The following PALMD variants were observed in gnomAD, a reference collection of about 807,000 sequenced individuals.
The protein encoded by PALMD is palmdelphin.
A neutral mutation model predicts 56.2 loss-of-function variants in PALMD; 42 were observed. The ratio of observed to expected loss-of-function variants is 0.75; its 90% CI spans 0.58 to 0.97. PALMD has a LOEUF of 0.97. Ranked by LOEUF, PALMD falls within the 50% of genes least tolerant of loss-of-function variation. PALMD has a pLI of 0.00. For missense variants in PALMD, 660 were observed against 643.8 expected (o/e 1.03, Z -0.27); for synonymous variants, 242 against 222.9 (o/e 1.09, Z -0.76).
intron 6 of PALMD, among the ~76,000 whole-genome samples, chr1:99,687,505 C>A (rs537997931): frequency 3.3e-5 from 5 of 152,108 alleles, no homozygotes; most frequent in Admixed American, 6.6e-5. Context: ...CCAATAGAAC[C>A]TCTTTGGGGG....
chr1:99,669,725 C>T (rs1452341382), intron 3 of PALMD: 1 of 152,162 alleles, frequency 6.6e-6, no homozygotes, highest in East Asian at 1.9e-4. Flanking sequence ...TGCTTTTAGG[C>T]CTTGCCTGAA....
At chr1:99,654,301 T>C (rs1652662887) in intron 1 of PALMD, among the ~76,000 whole-genome samples, 1 of 152,146 alleles carries the variant, frequency 6.6e-6, no homozygotes, top group African/African-American at 2.4e-5. Context: ...GAAAATATAA[T>C]GTGAAAATAT....
intron 3 of PALMD, 97 bp from the exon 4 acceptor site, chr1:99,686,579 C>G: frequency 1.6e-6 from 1 of 622,644 alleles, no homozygotes; most frequent in Non-Finnish European, 2.9e-6. Context: ...TACTTACATG[C>G]ATATTCCAAG....
chr1:99,648,630 A>C (rs1652495049), intron 1 of PALMD, among the ~76,000 whole-genome samples: 1 of 152,046 alleles, frequency 6.6e-6, no homozygotes, highest in Non-Finnish European at 1.5e-5. Flanking sequence ...ATGCACCCAG[A>C]CATAGCAACA....
rs1222231658 is a variant in PALMD, at chr1:99,683,019, G to GGAAA, written c.252-3622_252-3619dup. ...AGACTCTGTCTCCAAAAAGAAAGAA[G>GGAAA]GAAAGAAAGAAAGAAAGAAAGAAAG... On this transcript the variant is annotated intron_variant, in intron 3 of 7. Transcript: ENST00000263174. Among the ~76,000 whole-genome samples, 13 of 48,398 alleles carry GGAAA rather than the reference G, an allele frequency of 2.7e-4. No individual in the cohort carries two copies. In the East Asian group the frequency reaches 3.1e-3, roughly 11 times the overall value. The allele number at this position is 48,398 out of a possible 152,430, so 31.8% of individuals were successfully genotyped here. A position where few individuals can be genotyped will look rare whatever the true frequency, so the allele number is the denominator to read the frequency against.
At chr1:99,685,262 C>T (rs751938808) in intron 3 of PALMD, 2 of 152,148 alleles carry the variant, frequency 1.3e-5, no homozygotes, top group Non-Finnish European at 2.9e-5. Context: ...CTGGCTTTCA[C>T]AAGAAATGAG....
intron 3 of PALMD, among the ~76,000 whole-genome samples, chr1:99,676,308 A>G (rs375396538): frequency 6.6e-6 from 1 of 152,008 alleles, no homozygotes; most frequent in African/African-American, 2.4e-5. Flanking sequence ...CCTTTTTTTT[A>G]AGGACACCAG....
chr1:99,661,207 A>G (rs1652840083), intron 1 of PALMD, among the ~76,000 whole-genome samples: 1 of 152,196 alleles, frequency 6.6e-6, no homozygotes, highest in South Asian at 2.1e-4. Context: ...TAATTTTGAA[A>G]GCAGATTTAA....
Position 99,689,055 on chromosome 1 carries a change from C to T in PALMD, c.795C>T (p.Pro265=), listed in dbSNP as rs766827542. Residue 265 remains proline (P), a synonymous_variant, in exon 7 of 8, where the codon CCC becomes CCT. Transcript: ENST00000263174. ...TEYHEPVYAN[P]FYRPTTPQRE... is the part of the protein sequence containing the mutation. Reference sequence around the variant, plus strand: ...ATCATGAGCCTGTATATGCCAATCCCTTTTACAGGCCTACAACCCCACAGA... The same window carrying T: ...ATCATGAGCCTGTATATGCCAATCCTTTTTACAGGCCTACAACCCCACAGA... 1.9e-6 allele frequency: 3 copies of T among 1,613,552 alleles called. No homozygotes were observed. The highest frequency in any genetic ancestry group is 2.5e-6 in the Non-Finnish European group (3 of 1,179,772).
Position 99,690,043 on chromosome 1 carries a change from T to A in PALMD, c.1612+171T>A, listed in dbSNP as rs559286715. 19 of 548,700 alleles carry A rather than the reference T, an allele frequency of 3.5e-5. No individual in the cohort carries two copies. The African/African-American group carries it at 3.6e-4, about 10-fold the overall frequency. The allele number at this position is 548,700 out of a possible 1,614,324, so 34.0% of individuals were successfully genotyped here. On this transcript the variant is annotated intron_variant, in intron 7 of 7. Transcript: ENST00000263174. ...TTATCACCACAGTAAAGTGATTAAG[T>A]CACTTCAAAAGATAAAGAAAGTAAA...
chr1:99,650,284 TGAAAAAAAAAAAAAAAA>T (rs1312304638), intron 1 of PALMD, among the ~76,000 whole-genome samples: 1 of 44,658 alleles, frequency 2.2e-5, no homozygotes, highest in Non-Finnish European at 3.6e-5. Flanking sequence ...CTGCTCATAA[TGAAAAAAAAAAAAAAAA>T]AAAAAAAAAA....
intron 3 of PALMD, among the ~76,000 whole-genome samples, chr1:99,676,097 T>C: frequency 6.6e-6 from 1 of 152,178 alleles, no homozygotes; most frequent in East Asian, 1.9e-4. Context: ...CATTGTATTG[T>C]TTGTCCTATT....
At chr1:99,665,197 T>C (rs1359265628) in intron 2 of PALMD, among the ~76,000 whole-genome samples, 2 of 152,134 alleles carry the variant, frequency 1.3e-5, no homozygotes, top group African/African-American at 2.4e-5. Context: ...TCTGGGTAGA[T>C]ATAGAAGTGC....
At chr1:99,648,704 C>G (rs1359052645) in intron 1 of PALMD, among the ~76,000 whole-genome samples, 2 of 151,646 alleles carry the variant, frequency 1.3e-5, no homozygotes, top group African/African-American at 4.8e-5. Flanking sequence ...TTGCTTTTTA[C>G]ATTAAAATTC....
intron 1 of PALMD, among the ~76,000 whole-genome samples, chr1:99,650,789 T>A (rs373769367): frequency 3.3e-5 from 5 of 152,164 alleles, no homozygotes; most frequent in Non-Finnish European, 4.4e-5. Context: ...ACCCAAGAAG[T>A]CAGCCCTGCT....
At chr1:99,686,841 C>T in intron 4 of PALMD, 51 bp downstream of exon 4, 1 of 1,348,554 alleles carries the variant, frequency 7.4e-7, no homozygotes, top group Non-Finnish European at 1.1e-6. Context: ...AATGAATCCA[C>T]AAATACTATA....
rs138081049 is a variant in PALMD, at chr1:99,671,702, A to G, written c.251+3936A>G. Among the ~76,000 whole-genome samples the G allele has an allele frequency of 4.0e-3, 606 of 152,258 alleles. 2 individuals carry two copies. The highest frequency in any genetic ancestry group is 6.4e-3 in the Admixed American group (98 of 15,272). On this transcript the variant is annotated intron_variant, in intron 3 of 7. Coordinates refer to ENST00000263174, the MANE Select transcript of PALMD (RefSeq NM_017734.5). ...TTTATGGCTTAAAGTCTAGAATGCT[A>G]CCATAGAGGTTAATTTTTGTGGAAC...
chr1:99,657,500 T>C (rs1359178440), intron 1 of PALMD, among the ~76,000 whole-genome samples: 1 of 152,140 alleles, frequency 6.6e-6, no homozygotes, highest in African/African-American at 2.4e-5. Flanking sequence ...GCCTTATGTA[T>C]GAGTTGTGCA....
rs770184732 is a variant in PALMD, at chr1:99,688,866, T to C, written c.606T>C (p.Phe202=). 1.6e-5 allele frequency: 26 copies of C among 1,613,462 alleles called. No individual in the cohort carries two copies. The highest frequency in any genetic ancestry group is 2.2e-5 in the Non-Finnish European group (26 of 1,179,480). The change falls in exon 7 of 8, where the codon TTT becomes TTC. Residue 202 remains phenylalanine, a synonymous_variant. Transcript: ENST00000263174. ...LSSIPLPSDD[F]KGTGIKVYDD... ...CAATACCTCTGCCATCAGATGACTT[T>C]AAAGGTACAGGAATAAAAGTTTATG...
Sources: allele counts gnomAD v4.1 joint callset (sites outside exome capture counted in the v4.1 genomes callset), GRCh38; gene constraint gnomAD v4.1.1; transcripts MANE v1.5; gene names NCBI Gene and HGNC (gene_info 2026-07-23, HGNC 2026-07-21).